The following CDH23 variants were observed in gnomAD, a reference collection of about 807,000 sequenced individuals.
CDH23 encodes cadherin-23.
A neutral mutation model predicts 317.1 loss-of-function variants in CDH23; 189 were observed. The observed-to-expected ratio is 0.60, with a 90% CI of 0.53 to 0.67. CDH23 has a LOEUF of 0.67. CDH23 is among the 30% of genes least tolerant of loss of function. The pLI is 0.00. For synonymous variants in CDH23, 1,839 were observed against 1,876.8 expected (o/e 0.98, Z 0.52); for missense variants, 4,401 against 4,592.4 (o/e 0.96, Z 1.20).
chr10:71,608,180 A>C (rs1860641470), intron 9 of CDH23, among the ~76,000 whole-genome samples: 1 of 152,226 alleles, frequency 6.6e-6, no homozygotes, highest in African/African-American at 2.4e-5. Context: ...GTTCATGCTC[A>C]GTATGCGGTC....
At chr10:71,572,345 C>T (rs920093221) in intron 8 of CDH23, among the ~76,000 whole-genome samples, 14 of 152,178 alleles carry the variant, frequency 9.2e-5, no homozygotes, top group Admixed American at 6.5e-4. Flanking sequence ...TCAGCTGTGA[C>T]GTGCTGTTTT....
At chr10:71,684,282 C>A (rs1232506391) in intron 18 of CDH23, among the ~76,000 whole-genome samples, 2 of 152,168 alleles carry the variant, frequency 1.3e-5, no homozygotes, top group East Asian at 3.9e-4. Context: ...TGACCACAGC[C>A]CCCAAGCCTC....
chr10:71,543,179 C>G (rs894566991), intron 6 of CDH23, among the ~76,000 whole-genome samples: 1 of 152,222 alleles, frequency 6.6e-6, no homozygotes, highest in Non-Finnish European at 1.5e-5. Flanking sequence ...CCCGGCCCCA[C>G]CCAGGAGTAC....
At chr10:71,746,141 A>C (rs1235651835) in intron 38 of CDH23, among the ~76,000 whole-genome samples, 1 of 152,240 alleles carries the variant, frequency 6.6e-6, no homozygotes, top group African/African-American at 2.4e-5. Flanking sequence ...GGGAAGGCAC[A>C]TGTACTGGAG....
At chr10:71,475,135 G>A (rs1370734399) in intron 3 of CDH23, among the ~76,000 whole-genome samples, 1 of 152,200 alleles carries the variant, frequency 6.6e-6, no homozygotes, top group Non-Finnish European at 1.5e-5. Context: ...GGTCAGAGCT[G>A]TGTAACCTTA....
intron 1 of CDH23, among the ~76,000 whole-genome samples, chr10:71,398,428 A>AGTGTGGGTGTGT (rs1847625262): frequency 8.3e-6 from 1 of 120,166 alleles, no homozygotes; most frequent in African/African-American, 3.1e-5. Flanking sequence ...GAGACACAGG[A>AGTGTGGGTGTGT]GTGTGTGTGT....
intron 6 of CDH23, among the ~76,000 whole-genome samples, chr10:71,534,989 G>A (rs1343323088): frequency 6.6e-6 from 1 of 152,388 alleles, no homozygotes; most frequent in Non-Finnish European, 1.5e-5. Context: ...CCCTCCCTGT[G>A]TGGGCTGTCA....
At chr10:71,403,095 C>T (rs1847861370) in intron 1 of CDH23, among the ~76,000 whole-genome samples, 1 of 152,082 alleles carries the variant, frequency 6.6e-6, no homozygotes, top group Non-Finnish European at 1.5e-5. Context: ...GCACTCCAGC[C>T]TGGGCGACAG....
At chr10:71,796,009 G>GCTC (rs1415821065) in intron 48 of CDH23, 62 of 986,150 alleles carry the variant, frequency 6.3e-5, no homozygotes, top group Non-Finnish European at 6.5e-5. Context: ...CCCCATCCTC[G>GCTC]CTCCCCAGCC....
chr10:71,690,449 C>A lies in CDH23; in HGVS notation c.2060-19C>A, dbSNP rs2290024. 2.6e-6 allele frequency: 4 copies of A among 1,565,986 alleles called. No homozygotes were observed. The highest frequency in any genetic ancestry group is 2.3e-5 in the East Asian group (1 of 42,638). ...CAGGGTGAGCAGCACCCCCTGCCCC[C>A]ACCTTTTTCCCCCTGAAGGAGCCAC... is the stretch of plus-strand genomic sequence containing the variant. On this transcript the variant is annotated intron_variant, in intron 19 of 69. Coordinates refer to ENST00000224721, the MANE Select transcript of CDH23 (RefSeq NM_022124.6).
At chr10:71,656,427 A>G (rs895245648) in intron 14 of CDH23, among the ~76,000 whole-genome samples, 7 of 152,172 alleles carry the variant, frequency 4.6e-5, no homozygotes, top group Non-Finnish European at 1.0e-4. Flanking sequence ...TCTCTGGCAC[A>G]AAGGGTGCCC....
intron 13 of CDH23, 95 bp downstream of exon 13, chr10:71,646,075 C>G (rs893967639): frequency 2.1e-6 from 3 of 1,431,876 alleles, no homozygotes; most frequent in Admixed American, 4.5e-5. Context: ...ATCCCACCTT[C>G]CACTGCTGCC....
At chr10:71,737,483 A>G (rs1422704246) in intron 34 of CDH23, among the ~76,000 whole-genome samples, 1 of 152,234 alleles carries the variant, frequency 6.6e-6, no homozygotes, top group Non-Finnish European at 1.5e-5. Flanking sequence ...GGGACTGAGC[A>G]GTCAAACCTG....
At chr10:71,624,062 G>T (rs1307670388) in intron 11 of CDH23, among the ~76,000 whole-genome samples, 1 of 152,176 alleles carries the variant, frequency 6.6e-6, no homozygotes, top group Non-Finnish European at 1.5e-5. Flanking sequence ...AAATCCTAAT[G>T]TTCTCTTCAT....
rs144994794 is a variant in CDH23, at chr10:71,577,879, G to T, written c.754-35G>T. 876 of 1,539,198 alleles carry T rather than the reference G, an allele frequency of 5.7e-4. 5 individuals are homozygous for T. The African/African-American group carries it at 9.9e-3, about 17-fold the overall frequency. On this transcript the variant is annotated intron_variant, in intron 8 of 69. Coordinates refer to ENST00000224721, the MANE Select transcript of CDH23 (RefSeq NM_022124.6). The stretch of plus-strand genomic sequence containing the variant: ...CTACAAAGAAAGACAGCAGCCAGGG[G>T]ACCCAAACTCAAGTCCCTCCTCTCT...
At chr10:71,430,382 G>C (rs775566091) in intron 1 of CDH23, among the ~76,000 whole-genome samples, 5 of 152,096 alleles carry the variant, frequency 3.3e-5, no homozygotes, top group Non-Finnish European at 7.4e-5. Flanking sequence ...GTATAACTTG[G>C]TGCACCCTCT....
chr10:71,760,026 T>TAC lies in CDH23; in HGVS notation c.4846-17642_4846-17641dup, dbSNP rs754921916. ...ACATATATATACACACACACATATA[T>TAC]ACACACACACACATATATACACACA... On this transcript the variant is annotated intron_variant, in intron 38 of 69. Coordinates refer to ENST00000224721, the MANE Select transcript of CDH23 (RefSeq NM_022124.6). Among the ~76,000 whole-genome samples, 2 of 66,798 alleles carry TAC rather than the reference T, an allele frequency of 3.0e-5. 1 individual carries two copies. The highest frequency in any genetic ancestry group is 7.2e-5 in the Non-Finnish European group (2 of 27,754). The allele number at this position is 66,798 out of a possible 152,430, so 43.8% of individuals were successfully genotyped here.
chr10:71,432,341 C>CA (rs1564576053), intron 1 of CDH23, among the ~76,000 whole-genome samples: 9 of 33,074 alleles, frequency 2.7e-4, no homozygotes, highest in African/African-American at 2.1e-3. Context: ...AGTGTGTGTG[C>CA]GGTGTGTGAG....
At chr10:71,455,477 G>T (rs979139535) in intron 3 of CDH23, among the ~76,000 whole-genome samples, 3 of 152,180 alleles carry the variant, frequency 2.0e-5, no homozygotes, top group African/African-American at 7.2e-5. Context: ...TAGGTAGACG[G>T]ACAGATGCAC....
Sources: allele counts gnomAD v4.1 joint callset (sites outside exome capture counted in the v4.1 genomes callset), GRCh38; gene constraint gnomAD v4.1.1; transcripts MANE v1.5; gene names NCBI Gene and HGNC (gene_info 2026-07-23, HGNC 2026-07-21).